Variants in P4HA1 observed in about 807,000 individuals in gnomAD.
P4HA1 encodes the protein prolyl 4-hydroxylase subunit alpha 1.
A neutral mutation model predicts 72.8 loss-of-function variants in P4HA1; 24 were observed. The observed-to-expected ratio is 0.33, with a 90% CI of 0.24 to 0.46. P4HA1 has a LOEUF of 0.46. Among genes scored for constraint, P4HA1 ranks in the 20% least tolerant of loss-of-function variants. The pLI is 1.00. For synonymous variants in P4HA1, 201 were observed against 218.8 expected, an observed-to-expected ratio of 0.92 and a Z score of 0.72; for missense variants, 446 against 640.6, an observed-to-expected ratio of 0.70 and a Z score of 3.28.
chr10:73,093,589 A>C (rs894670808), intron 1 of P4HA1, among the ~76,000 whole-genome samples: 5 of 151,942 alleles, frequency 3.3e-5, no homozygotes, highest in African/African-American at 9.7e-5. Flanking sequence ...CACACCTGTA[A>C]TCCCAGCACT....
intron 1 of P4HA1, among the ~76,000 whole-genome samples, chr10:73,088,814 G>T (rs1841971724): frequency 6.6e-6 from 1 of 152,140 alleles, no homozygotes; most frequent in Non-Finnish European, 1.5e-5. Context: ...GACAATTTTT[G>T]TGTGACTAAA....
At chr10:73,048,115 AATT>A (rs1173146348) in intron 7 of P4HA1, among the ~76,000 whole-genome samples, 2 of 152,200 alleles carry the variant, frequency 1.3e-5, no homozygotes, top group South Asian at 2.1e-4. Context: ...AGTCTGTTTC[AATT>A]ATTATACTAA....
intron 5 of P4HA1, 51 bp from the exon 6 acceptor site, chr10:73,053,641 T>C (rs537557241): frequency 6.7e-7 from 1 of 1,485,344 alleles, no homozygotes; most frequent in South Asian, 1.1e-5. Context: ...CTACTGTGTA[T>C]TTATTTAGGA....
chr10:73,074,180 ACCTTT>A (rs933600427), intron 2 of P4HA1, among the ~76,000 whole-genome samples: 31 of 152,172 alleles, frequency 2.0e-4, no homozygotes, highest in African/African-American at 7.5e-4. Context: ...CCTTTACCTT[ACCTTT>A]GTTTTTGAGA....
At position 73,068,646 on chromosome 10, in the gene P4HA1, CAAGCTAG is replaced by C. The variant is rs986007078; in HGVS notation, c.463+193_463+199del. On this transcript the variant is annotated intron_variant, in intron 5 of 14. Coordinates refer to ENST00000394890, the MANE Select transcript of P4HA1 (RefSeq NM_001017962.3). Reference sequence around the variant, plus strand: ...CTATCAATACAAGCTTTCAGAGTAACAAGCTAGAAGCTAGAAGCATACCCGTAACTAT... The same window carrying C: ...CTATCAATACAAGCTTTCAGAGTAACAAGCTAGAAGCATACCCGTAACTAT... Among the ~76,000 whole-genome samples, 6 of 152,218 alleles carry C rather than the reference CAAGCTAG, an allele frequency of 3.9e-5. No individual in the cohort carries two copies. The East Asian group carries it at 9.6e-4, about 24-fold the overall frequency.
chr10:73,059,793 T>A (rs566500231), intron 5 of P4HA1, among the ~76,000 whole-genome samples: 6 of 150,162 alleles, frequency 4.0e-5, no homozygotes, highest in African/African-American at 9.8e-5. Context: ...TAAAAAAAAA[T>A]AGCCAGGTAT....
At chr10:73,041,858 AG>A (rs1840744304) in intron 9 of P4HA1, among the ~76,000 whole-genome samples, 1 of 150,040 alleles carries the variant, frequency 6.7e-6, no homozygotes, top group Admixed American at 6.6e-5. Flanking sequence ...TTTTTGAGAC[AG>A]GATCTTACTC....
chr10:73,052,274 CTAAG>C (rs1168231526), intron 6 of P4HA1, among the ~76,000 whole-genome samples: 2 of 151,556 alleles, frequency 1.3e-5, no homozygotes, highest in African/African-American at 2.4e-5. Context: ...GTGACAGTAA[CTAAG>C]TGTTTAGGAT....
At chr10:73,087,155 C>T (rs984995503) in intron 1 of P4HA1, among the ~76,000 whole-genome samples, 3 of 150,052 alleles carry the variant, frequency 2.0e-5, no homozygotes, top group Non-Finnish European at 2.9e-5. Context: ...TTTGTATTGC[C>T]GTTTTTTCCT....
At chr10:73,068,121 A>G (rs1429875697) in intron 5 of P4HA1, among the ~76,000 whole-genome samples, 2 of 152,214 alleles carry the variant, frequency 1.3e-5, no homozygotes, top group African/African-American at 4.8e-5. Flanking sequence ...TTTATTTACT[A>G]TTATACCATG....
At position 73,019,465 on chromosome 10, in the gene P4HA1, T is replaced by C. The variant is rs191991110; in HGVS notation, c.1249-2566A>G. Among the ~76,000 whole-genome samples, 151 of 152,076 alleles carry C rather than the reference T, an allele frequency of 9.9e-4. 1 individual carries two copies. The highest frequency in any genetic ancestry group is 9.6e-4 in the Non-Finnish European group (65 of 67,970). On this transcript the variant is annotated intron_variant, in intron 10 of 14. Transcript: ENST00000394890. ...CCTAGCTAGAAAAAAATTCAAATAA[T>C]GATCTTAAGGAAACTCAAACAGATA... is the stretch of plus-strand genomic sequence containing the variant.
At chr10:73,073,645 T>G (rs1841620097) in intron 3 of P4HA1, 86 bp downstream of exon 3, 1 of 744,522 alleles carries the variant, frequency 1.3e-6, no homozygotes, top group Admixed American at 2.2e-5. Flanking sequence ...AAAAATGGGT[T>G]TCATTTCTAC....
chr10:73,028,263 C>G (rs1447472474), intron 10 of P4HA1, among the ~76,000 whole-genome samples: 1 of 150,960 alleles, frequency 6.6e-6, no homozygotes, highest in African/African-American at 2.4e-5. Flanking sequence ...ACCACGTGTT[C>G]TGACAAAGAC....
At chr10:73,026,259 C>G (rs186914639) in intron 10 of P4HA1, among the ~76,000 whole-genome samples, 5 of 152,210 alleles carry the variant, frequency 3.3e-5, no homozygotes, top group Admixed American at 3.3e-4. Flanking sequence ...AAAACAGAGA[C>G]ATAGACCAAT....
rs151114074 is a variant in P4HA1 at position 73,088,187 on chromosome 10, C to T, written c.-33+8579G>A. 1.7e-4 allele frequency among the ~76,000 whole-genome samples: 26 copies of T among 152,238 alleles called. 1 individual carries two copies. The highest frequency in any genetic ancestry group is 6.3e-4 in the African/African-American group (26 of 41,546). ...GGATTACAAACGTGTGCGACCAGAC[C>T]CGGCCTACGAACCATTTTGAACTAA... On this transcript the variant is annotated intron_variant, in intron 1 of 14. Transcript: ENST00000394890.
rs113047417 is a variant in P4HA1 at position 73,075,744 on chromosome 10, T to G, written c.-32-829A>C. Reference sequence around the variant, plus strand: ...ATATATATTTTATATATATATATAGTGTGTGTGTGTGTGTGTATGTGTGTA... The same window carrying G: ...ATATATATTTTATATATATATATAGGGTGTGTGTGTGTGTGTATGTGTGTA... On this transcript the variant is annotated intron_variant, in intron 1 of 14. Coordinates refer to ENST00000394890, the MANE Select transcript of P4HA1 (RefSeq NM_001017962.3). 1.2e-3 allele frequency among the ~76,000 whole-genome samples: 178 copies of G among 147,140 alleles called. 1 individual carries two copies. Among genetic ancestry groups the G allele is most frequent in the African/African-American group, 4.3e-3 (172 of 39,714 alleles).
intron 1 of P4HA1, among the ~76,000 whole-genome samples, chr10:73,093,401 A>G (rs1294718636): frequency 6.6e-6 from 1 of 152,168 alleles, no homozygotes; most frequent in African/African-American, 2.4e-5. Context: ...ACCGAGTTTA[A>G]AAACTGCTGG....
intron 9 of P4HA1, among the ~76,000 whole-genome samples, chr10:73,036,204 AT>A: frequency 6.6e-6 from 1 of 151,636 alleles, no homozygotes; most frequent in Non-Finnish European, 1.5e-5. Context: ...AAAAAAAAAA[AT>A]CTTGATGAAG....
At chr10:73,093,056 G>C (rs1006978467) in intron 1 of P4HA1, among the ~76,000 whole-genome samples, 1 of 151,390 alleles carries the variant, frequency 6.6e-6, no homozygotes, top group African/African-American at 2.4e-5. Flanking sequence ...GGAGTTCAAG[G>C]CTGCAGTGAG....
Sources: gnomAD v4.1 joint callset for allele counts (sites outside exome capture counted in the v4.1 genomes callset) on GRCh38, gnomAD v4.1.1 for gene constraint, MANE v1.5 for transcripts, NCBI Gene and HGNC (gene_info 2026-07-23, HGNC 2026-07-21) for gene names.